The following BRPF3 variants were observed in gnomAD, a reference collection of about 807,000 sequenced individuals.
BRPF3 encodes the protein bromodomain and PHD finger containing 3, also known as bromodomain and PHD finger-containing protein 3.
Under a neutral mutation model 102.0 loss-of-function variants are expected in BRPF3, and 18 were observed. The observed-to-expected ratio is 0.18, with a 90% confidence interval of 0.12 to 0.26. The LOEUF is 0.26. BRPF3 is among the 10% of genes least tolerant of loss of function. The probability of loss-of-function intolerance (pLI) is 1.00; values close to 1 mark genes in which losing one functional copy is unlikely to be tolerated. For missense variants in BRPF3, 1,147 were observed against 1,567.8 expected (o/e 0.73, Z 4.53); for synonymous variants, 570 against 614.2 (o/e 0.93, Z 1.06).
At chr6:36,207,540 C>A in intron 4 of BRPF3, 96 bp downstream of exon 4, 1 of 1,475,960 alleles carries the variant, frequency 6.8e-7, no homozygotes, top group African/African-American at 1.4e-5. Flanking sequence ...CTGCCTTATG[C>A]TAGGTTTCTT....
At position 36,207,393 on chromosome 6, in the gene BRPF3, G is replaced by A. The variant is rs149686773; in HGVS notation, c.1686G>A (p.Ala562=). 1.5e-5 allele frequency: 25 copies of A among 1,614,118 alleles called. No homozygotes were observed. Among genetic ancestry groups the A allele is most frequent in the Middle Eastern group, 1.7e-4 (1 of 6,056 alleles). The change falls in exon 4 of 13, where the codon GCG becomes GCA. Residue 562 remains alanine (A), a synonymous_variant. Transcript: ENST00000357641. The stretch of plus-strand genomic sequence containing the variant: ...AGCTCCGGCATGACTTGGAGCGGGC[G>A]CGGCTGCTGATTGAGCTGATTCGGA... The part of the protein sequence containing the change: ...WQKLRHDLER[A]RLLIELIRKR...
chr6:36,232,715 G>T lies in BRPF3; in HGVS notation c.*2106G>T, dbSNP rs1322987644. 1.3e-5 allele frequency: 2 copies of T among 152,534 alleles called. No homozygotes were observed. The highest frequency in any genetic ancestry group is 3.8e-4 in the East Asian group (2 of 5,196). The allele number at this position is 152,534 out of a possible 1,614,324, so 9.4% of individuals were successfully genotyped here. On this transcript the variant is annotated 3_prime_UTR_variant, in exon 13 of 13. Transcript: ENST00000357641. ...ATCTATGCTTGTAAAGAATACAAAA[G>T]TTAATTTTACCTACTATAATATGAC... is the stretch of plus-strand genomic sequence containing the variant.
At chr6:36,202,788 C>T (rs1767763940) in intron 2 of BRPF3, among the ~76,000 whole-genome samples, 1 of 152,190 alleles carries the variant, frequency 6.6e-6, no homozygotes, top group Non-Finnish European at 1.5e-5. Flanking sequence ...AAGTGACAGA[C>T]CCTATACCAC....
Position 36,230,745 on chromosome 6 carries a change from C to A in BRPF3, c.*136C>A. 8.6e-7 allele frequency: 1 copy of A among 1,164,616 alleles called. No homozygotes were observed. Among genetic ancestry groups the A allele is most frequent in the Non-Finnish European group, 1.2e-6 (1 of 839,124 alleles). 72.1% of individuals were successfully genotyped at this position (1,164,616 alleles called of 1,614,324 possible). ...GGCCAGGGACTGGGCTTTCTCCCCA[C>A]TAAGGGCAAGGCCCCAGTTTTGACC... On this transcript the variant is annotated 3_prime_UTR_variant, in exon 13 of 13. Transcript: ENST00000357641. The surrounding 1 kb of genome is among the most constrained non-coding windows in gnomAD (Gnocchi z 5.4).
At chr6:36,202,673 C>T (rs999815984) in intron 2 of BRPF3, among the ~76,000 whole-genome samples, 4 of 152,100 alleles carry the variant, frequency 2.6e-5, no homozygotes, top group South Asian at 2.1e-4. Context: ...GAAGAAACTG[C>T]GGCCAAGGGA....
intron 9 of BRPF3, among the ~76,000 whole-genome samples, chr6:36,219,309 T>C (rs1768448422): frequency 6.6e-6 from 1 of 152,036 alleles, no homozygotes; most frequent in African/African-American, 2.4e-5. Context: ...TCCAGAGATA[T>C]AGGGGAAGTA....
rs146699190 is a variant in BRPF3, at chr6:36,201,846, C to T, written c.1448+76C>T. The T allele has an allele frequency of 6.6e-4, 1,002 of 1,514,896 alleles. 4 individuals are homozygous for T. The African/African-American group carries it at 0.011, about 17-fold the overall frequency. 93.8% of individuals were successfully genotyped at this position (1,514,896 alleles called of 1,614,324 possible). ...TGGTGTTGGCCCTGTGCCAGGCCTTCGCTAAACACAGTTGGACACTATATC... is the reference window on the plus strand; with the variant it reads ...TGGTGTTGGCCCTGTGCCAGGCCTTTGCTAAACACAGTTGGACACTATATC... On this transcript the variant is annotated intron_variant, in intron 2 of 12. Coordinates refer to ENST00000357641, the MANE Select transcript of BRPF3 (RefSeq NM_015695.3). The surrounding 1 kb of genome is among the most constrained non-coding windows in gnomAD (Gnocchi z 5.1).
chr6:36,223,203 C>T (rs1338584979), intron 10 of BRPF3, among the ~76,000 whole-genome samples: 3 of 152,226 alleles, frequency 2.0e-5, no homozygotes, highest in African/African-American at 7.2e-5. Flanking sequence ...ATCTAACACA[C>T]AGGCTGCAGG....
rs866602265 is a variant in BRPF3 at position 36,207,929 on chromosome 6, G to T, written c.1737+485G>T. Among the ~76,000 whole-genome samples the T allele has an allele frequency of 3.3e-5, 5 of 152,224 alleles. No individual in the cohort carries two copies. The East Asian group carries it at 9.6e-4, about 29-fold the overall frequency. Reference sequence around the variant, plus strand: ...CATAGGAAATGTTGAGGTAGGTAGTGTAGCATAGTGTTTAGGAACATGAGC... The same window carrying T: ...CATAGGAAATGTTGAGGTAGGTAGTTTAGCATAGTGTTTAGGAACATGAGC... On this transcript the variant is annotated intron_variant, in intron 4 of 12. Coordinates refer to ENST00000357641, the MANE Select transcript of BRPF3 (RefSeq NM_015695.3).
In BRPF3 at chr6:36,225,379, G is replaced by T; in HGVS notation, c.3279+15G>T. 1 of 1,604,782 alleles carries T rather than the reference G, an allele frequency of 6.2e-7. No homozygotes were observed. ...ACCCTGCCTTGGTGAGTCTGCCCCA[G>T]ACGCCACCCTCCTATCTCCCCTGCC... On this transcript the variant is annotated intron_variant, in intron 11 of 12. Transcript: ENST00000357641.
chr6:36,211,558 GAGGTGAGAGAT>G lies in BRPF3; in HGVS notation c.2482+1_2482+11del. 6.4e-7 allele frequency: 1 copy of G among 1,551,660 alleles called. No homozygotes were observed. Among genetic ancestry groups the G allele is most frequent in the Non-Finnish European group, 8.7e-7 (1 of 1,146,528 alleles). ...GAGGAGCCAGAAGACGATGGGGACA[GAGGTGAGAGAT>G]AGTCACAGGCAGGCAGGGGGTTGGA... On this transcript the variant is annotated splice_donor_variant and splice_donor_5th_base_variant and coding_sequence_variant and intron_variant, in exon 7 of 13. Transcript: ENST00000357641. LOFTEE classifies it high-confidence loss of function.
intron 8 of BRPF3, among the ~76,000 whole-genome samples, chr6:36,216,004 C>A (rs779649879): frequency 6.6e-5 from 10 of 152,166 alleles, no homozygotes; most frequent in Non-Finnish European, 8.8e-5. Flanking sequence ...ACCTTCCCAT[C>A]TCGTCTGGCC....
chr6:36,230,653 C>A lies in BRPF3; in HGVS notation c.*44C>A. ...ATCCGCTTGCCCTGCCTCCATCCCG[C>A]AGGGCACAGAGAAGCCTCTTCTGCC... On this transcript the variant is annotated 3_prime_UTR_variant, in exon 13 of 13. Coordinates refer to ENST00000357641, the MANE Select transcript of BRPF3 (RefSeq NM_015695.3). The surrounding 1 kb of genome is among the most constrained non-coding windows in gnomAD (Gnocchi z 5.4). 2 of 1,595,542 alleles carry A rather than the reference C, an allele frequency of 1.3e-6. No individual in the cohort carries two copies. Among genetic ancestry groups the A allele is most frequent in the South Asian group, 1.1e-5 (1 of 89,138 alleles).
chr6:36,221,407 C>T (rs900230960), intron 9 of BRPF3, among the ~76,000 whole-genome samples: 1 of 151,306 alleles, frequency 6.6e-6, no homozygotes, highest in African/African-American at 2.4e-5. Context: ...CTGCCTCAGC[C>T]TCCTGAGTAG....
intron 3 of BRPF3, among the ~76,000 whole-genome samples, chr6:36,206,221 C>T (rs1767900528): frequency 2.6e-5 from 4 of 152,158 alleles, no homozygotes; most frequent in Admixed American, 1.3e-4. Context: ...TGTTGGGATC[C>T]TCCATGGCCA....
chr6:36,208,907 C>T (rs148827755), intron 4 of BRPF3, among the ~76,000 whole-genome samples: 5 of 152,306 alleles, frequency 3.3e-5, no homozygotes, highest in Non-Finnish European at 5.9e-5. Context: ...TTGCCACTTG[C>T]GGGGGCAAGC....
In BRPF3 at chr6:36,200,834, G is replaced by A. The variant is rs1581940654; in HGVS notation, c.512G>A (p.Arg171Gln). 3.1e-6 allele frequency: 5 copies of A among 1,614,144 alleles called. No individual in the cohort carries two copies. Among genetic ancestry groups the A allele is most frequent in the Admixed American group, 1.7e-5 (1 of 60,022 alleles). ...LAWLDMVNEK[R>Q]RVDGHSLVSA... ...TGGCTGGACATGGTGAATGAAAAAC[G>A]GCGAGTAGATGGGCACAGTTTGGTG... The change falls in exon 2 of 13, where the codon CGG becomes CAG. Residue 171 changes from arginine (R) to glutamine (Q), a missense_variant. Coordinates refer to ENST00000357641, the MANE Select transcript of BRPF3 (RefSeq NM_015695.3). This position sits in a 1 kb window ranked among gnomAD's most constrained non-coding sequence, Gnocchi z 5.3.
At position 36,210,185 on chromosome 6, in the gene BRPF3, T is replaced by G; in HGVS notation, c.1867-31T>G. The G allele has an allele frequency of 1.9e-6, 3 of 1,610,958 alleles. No homozygotes were observed. Among genetic ancestry groups the G allele is most frequent in the Non-Finnish European group, 1.7e-6 (2 of 1,177,166 alleles). On this transcript the variant is annotated intron_variant, in intron 5 of 12. Transcript: ENST00000357641. This position sits in a 1 kb window ranked among gnomAD's most constrained non-coding sequence, Gnocchi z 4.7. The stretch of plus-strand genomic sequence containing the variant: ...TGTGTCTGTTTGGCTAGTAAATGGT[T>G]GTTGTAATTGTACAGGTTTTATATG...
Position 36,211,574 on chromosome 6 carries a change from A to G in BRPF3, c.2482+14A>G. 1 of 1,548,366 alleles carries G rather than the reference A, an allele frequency of 6.5e-7. No individual in the cohort carries two copies. Among genetic ancestry groups the G allele is most frequent in the African/African-American group, 1.4e-5 (1 of 73,118 alleles). ...ATGGGGACAGAGGTGAGAGATAGTC[A>G]CAGGCAGGCAGGGGGTTGGAGGGTA... On this transcript the variant is annotated intron_variant, in intron 7 of 12. Coordinates refer to ENST00000357641, the MANE Select transcript of BRPF3 (RefSeq NM_015695.3).
Sources: gnomAD v4.1 joint callset for allele counts (sites outside exome capture counted in the v4.1 genomes callset) on GRCh38, gnomAD v4.1.1 for gene constraint, Gnocchi (gnomAD v3.1) non-coding constraint, MANE v1.5 for transcripts, NCBI Gene and HGNC (gene_info 2026-07-23, HGNC 2026-07-21) for gene names.